TANGO2: variants seen among roughly 807,000 people sequenced by gnomAD.
The protein encoded by TANGO2 is transport and Golgi organization protein 2 homolog.
In TANGO2, 26 loss-of-function variants were observed where a neutral mutation model predicts 39.1. The observed-to-expected ratio is 0.67, with a 90% CI of 0.49 to 0.92. TANGO2 has a LOEUF of 0.92. TANGO2 is among the 40% of genes least tolerant of loss of function. The pLI, the probability that TANGO2 is intolerant of heterozygous loss-of-function variation, is 0.00. For synonymous variants in TANGO2, 131 were observed against 144.5 expected (o/e 0.91, Z 0.67); for missense variants, 326 against 360.1 (o/e 0.91, Z 0.77).
chr22:20,061,530 G>A lies in TANGO2; in HGVS notation c.452G>A (p.Gly151Asp), dbSNP rs376948842. The change falls in exon 7 of 9, where the codon GGC becomes GAC. Residue 151 changes from glycine to aspartate, a missense_variant and splice_region_variant. Gly to Asp is a moderately conservative substitution (Grantham distance 94). Coordinates refer to ENST00000327374, the MANE Select transcript of TANGO2 (RefSeq NM_152906.7). Reference sequence around the variant, plus strand: ...ATGGCCCGCTGATTGCTCCTCACAGGCACCTACGGGCTGAGCAACGCGCTG... The same window carrying A: ...ATGGCCCGCTGATTGCTCCTCACAGACACCTACGGGCTGAGCAACGCGCTG... ...GEPDPIVLTP[G>D]TYGLSNALLE... 3 of 1,601,126 alleles carry A rather than the reference G, an allele frequency of 1.9e-6. No homozygotes were observed. The highest frequency in any genetic ancestry group is 2.6e-6 in the Non-Finnish European group (3 of 1,174,340).
At chr22:20,024,514 G>A (rs2040356151) in intron 1 of TANGO2, among the ~76,000 whole-genome samples, 1 of 152,244 alleles carries the variant, frequency 6.6e-6, no homozygotes, top group South Asian at 2.1e-4. Flanking sequence ...ATGGAGTGGG[G>A]ATTACAAGGG....
In TANGO2 at chr22:20,063,392, G is replaced by A. The variant is rs1406689461; in HGVS notation, c.660G>A (p.Met220Ile). The A allele has an allele frequency of 6.2e-7, 1 of 1,613,444 alleles. No individual in the cohort carries two copies. Among genetic ancestry groups the A allele is most frequent in the Non-Finnish European group, 8.5e-7 (1 of 1,179,916 alleles). Residue 220 changes from methionine (M) to isoleucine (I), a missense_variant, in exon 8 of 9, where the codon ATG becomes ATA. Transcript: ENST00000327374. ...EDQGGEYVQP[M>I]LSKYAAVCVR... is the part of the protein sequence containing the mutation. Reference sequence around the variant, plus strand: ...AGGGTGGGGAGTACGTGCAGCCCATGCTGAGCAAGTACGCGGCTGTGTGCG... The same window carrying A: ...AGGGTGGGGAGTACGTGCAGCCCATACTGAGCAAGTACGCGGCTGTGTGCG...
At chr22:20,062,992 G>A (rs1391690998) in intron 7 of TANGO2, 3 of 242,830 alleles carry the variant, frequency 1.2e-5, no homozygotes, top group Admixed American at 5.5e-5. Context: ...GGTGGTGCAC[G>A]CCTGTAATCC....
chr22:20,064,348 G>A (rs761868751), intron 8 of TANGO2, among the ~76,000 whole-genome samples, 194 bp from the exon 9 acceptor site: 3 of 152,202 alleles, frequency 2.0e-5, no homozygotes, highest in Non-Finnish European at 4.4e-5. Context: ...TGTGGAGCCA[G>A]CCAAGAGCTC....
At chr22:20,050,952 C>G (rs922394283) in intron 3 of TANGO2, among the ~76,000 whole-genome samples, 2 of 150,882 alleles carry the variant, frequency 1.3e-5, no homozygotes, top group African/African-American at 4.9e-5. Flanking sequence ...CTCAGCCCCC[C>G]GAGTAGCTGG....
intron 2 of TANGO2, among the ~76,000 whole-genome samples, chr22:20,042,700 A>T (rs556436594): frequency 1.3e-5 from 2 of 152,238 alleles, no homozygotes; most frequent in East Asian, 3.9e-4. Flanking sequence ...GGGAGGCGGG[A>T]GTTGCAGTGA....
chr22:20,028,257 A>C (rs1009134543), intron 1 of TANGO2, among the ~76,000 whole-genome samples: 10 of 152,212 alleles, frequency 6.6e-5, no homozygotes, highest in Non-Finnish European at 1.2e-4. Flanking sequence ...GACCACAGGC[A>C]TATGCCACTG....
At chr22:20,026,507 C>T (rs1201131477) in intron 1 of TANGO2, among the ~76,000 whole-genome samples, 1 of 152,194 alleles carries the variant, frequency 6.6e-6, no homozygotes. Flanking sequence ...GACATGACTG[C>T]TGTACAGTAA....
intron 2 of TANGO2, among the ~76,000 whole-genome samples, chr22:20,041,015 G>C (rs2043806665): frequency 1.3e-5 from 2 of 152,216 alleles, no homozygotes; most frequent in African/African-American, 4.8e-5. Context: ...GCATGGCACA[G>C]TCCCTGGCAA....
At chr22:20,051,470 G>A (rs2147482785) in intron 3 of TANGO2, among the ~76,000 whole-genome samples, 1 of 152,188 alleles carries the variant, frequency 6.6e-6, no homozygotes, top group South Asian at 2.1e-4. Context: ...GGGAGAGGTT[G>A]CAGTGAGCCG....
At chr22:20,038,453 A>G (rs1282120998) in intron 2 of TANGO2, among the ~76,000 whole-genome samples, 3 of 152,236 alleles carry the variant, frequency 2.0e-5, no homozygotes, top group South Asian at 2.1e-4. Context: ...CTGGAAAGGA[A>G]GCTTGATGGC....
At position 20,037,102 on chromosome 22, in the gene TANGO2, A is replaced by G. The variant is rs780065549; in HGVS notation, c.56+248A>G. 8.6e-6 allele frequency: 13 copies of G among 1,519,480 alleles called. No individual in the cohort carries two copies. In the Admixed American group the frequency reaches 8.7e-5, roughly 10 times the overall value. 94.1% of individuals were successfully genotyped at this position (1,519,480 alleles called of 1,614,324 possible). On this transcript the variant is annotated intron_variant, in intron 2 of 8. Coordinates refer to ENST00000327374, the MANE Select transcript of TANGO2 (RefSeq NM_152906.7). ...CACAGAAGGCAGCCACAGGTAGGAC[A>G]GAGGAGTGACATGGGTCCAGGTGGG...
chr22:20,027,206 CG>C (rs1240697981), intron 1 of TANGO2, among the ~76,000 whole-genome samples: 1 of 152,028 alleles, frequency 6.6e-6, no homozygotes, highest in Non-Finnish European at 1.5e-5. Context: ...TGTACAGCAC[CG>C]GGGGGGATGG....
chr22:20,057,513 C>T lies in TANGO2; in HGVS notation c.451+1500C>T, dbSNP rs554765689. Among the ~76,000 whole-genome samples, 123 of 152,364 alleles carry T rather than the reference C, an allele frequency of 8.1e-4. No individual in the cohort carries two copies. The highest frequency in any genetic ancestry group is 2.9e-3 in the African/African-American group (119 of 41,584). On this transcript the variant is annotated intron_variant, in intron 6 of 8. Coordinates refer to ENST00000327374, the MANE Select transcript of TANGO2 (RefSeq NM_152906.7). This position sits in a 1 kb window ranked among gnomAD's most constrained non-coding sequence, Gnocchi z 4.1. ...GCCACCCTCTGTGACCCTGGTCTTC[C>T]CCTCCCTACCTTGGATACAACTGTG...
At position 20,034,210 on chromosome 22, in the gene TANGO2, A is replaced by AC. The variant is rs562859518; in HGVS notation, c.-39-2550_-39-2549insC. 9.9e-3 allele frequency among the ~76,000 whole-genome samples: 1,506 copies of AC among 152,096 alleles called. 13 individuals carry two copies. The highest frequency in any genetic ancestry group is 0.016 in the Non-Finnish European group (1,092 of 67,986). On this transcript the variant is annotated intron_variant, in intron 1 of 8. Transcript: ENST00000327374. ...GCAAAAACAAAACAACAACAACAAA[A>AC]AAAAACCGAGTTCCTTTTGCTGCTT...
At chr22:20,023,643 A>G (rs1202470333) in intron 1 of TANGO2, among the ~76,000 whole-genome samples, 1 of 150,190 alleles carries the variant, frequency 6.7e-6, no homozygotes, top group Non-Finnish European at 1.5e-5. Context: ...TCACGAGGCC[A>G]GGAGATCGAG....
intron 5 of TANGO2, chr22:20,053,933 A>G (rs1435693147): frequency 5.6e-6 from 2 of 355,710 alleles, no homozygotes; most frequent in African/African-American, 4.3e-5. Context: ...CCTGTTGGAG[A>G]TGAGGCCGCA....
intron 1 of TANGO2, among the ~76,000 whole-genome samples, chr22:20,023,314 A>G (rs2040082814): frequency 6.6e-6 from 1 of 151,928 alleles, no homozygotes; most frequent in Admixed American, 6.6e-5. Flanking sequence ...TGTTTTTACT[A>G]ACCACTCAGG....
At chr22:20,026,217 G>A (rs753493796) in intron 1 of TANGO2, among the ~76,000 whole-genome samples, 140 of 152,324 alleles carry the variant, frequency 9.2e-4, no homozygotes, top group Admixed American at 2.2e-3. Context: ...GACCAACATG[G>A]TGAAAACCTG....
Sources: gnomAD v4.1 joint callset for allele counts (sites outside exome capture counted in the v4.1 genomes callset) on GRCh38, gnomAD v4.1.1 for gene constraint, Gnocchi (gnomAD v3.1) non-coding constraint, MANE v1.5 for transcripts, NCBI Gene and HGNC (gene_info 2026-07-23, HGNC 2026-07-21) for gene names.